The following ZC3H10 variants were observed in gnomAD, a reference collection of about 807,000 sequenced individuals.
ZC3H10 encodes zinc finger CCCH-type containing 10.
Under a neutral mutation model 24.3 loss-of-function variants are expected in ZC3H10, and 12 were observed. The observed-to-expected ratio is 0.49, with a 90% CI of 0.32 to 0.80. ZC3H10 has a LOEUF of 0.80. Among genes scored for constraint, ZC3H10 ranks in the 30% least tolerant of loss-of-function variants. ZC3H10 has a pLI of 0.04. For synonymous variants in ZC3H10, 226 were observed against 217.0 expected (o/e 1.04, Z -0.36); for missense variants, 360 against 576.3 (o/e 0.62, Z 3.84).
Position 56,121,947 on chromosome 12 carries a change from C to T in ZC3H10, c.*80C>T. On this transcript the variant is annotated 3_prime_UTR_variant, in exon 3 of 3. Transcript: ENST00000257940. This position sits in a 1 kb window ranked among gnomAD's most constrained non-coding sequence, Gnocchi z 6.2. Reference sequence around the variant, plus strand: ...CCTTGCCCACTCACCTAGCCTTCCCCATCCCTGTCTGAAGGGCTCCCTTGA... The same window carrying T: ...CCTTGCCCACTCACCTAGCCTTCCCTATCCCTGTCTGAAGGGCTCCCTTGA... 6.9e-7 allele frequency: 1 copy of T among 1,449,316 alleles called. No individual in the cohort carries two copies. The highest frequency in any genetic ancestry group is 9.2e-7 in the Non-Finnish European group (1 of 1,083,166). The allele number at this position is 1,449,316 out of a possible 1,614,324, so 89.8% of individuals were successfully genotyped here.
Position 56,121,828 on chromosome 12 carries a change from C to G in ZC3H10, c.1266C>G (p.Ile422Met). 1.2e-6 allele frequency: 2 copies of G among 1,613,670 alleles called. No individual in the cohort carries two copies. The highest frequency in any genetic ancestry group is 1.7e-6 in the Non-Finnish European group (2 of 1,179,702). Residue 422 changes from isoleucine to methionine, a missense_variant, in exon 3 of 3, where the codon ATC (isoleucine) becomes ATG (methionine). Around this residue, in one of 3 missense-constraint regions of ZC3H10, gnomAD observed 133 missense variants for 256.7 expected, o/e 0.52. Transcript: ENST00000257940. The surrounding 1 kb of genome is among the most constrained non-coding windows in gnomAD (Gnocchi z 6.2). ...CCACTCCCATGGTGACTTACCCTAT[C>G]GCTTCCCAGAGCATGCGCATCACGG... ...HTTTPMVTYP[I>M]ASQSMRITAM...
chr12:56,126,694 C>A lies in ZC3H10; in HGVS notation c.*4827C>A, dbSNP rs905989424. 1.2e-4 allele frequency: 18 copies of A among 152,294 alleles called. No homozygotes were observed. Among genetic ancestry groups the A allele is most frequent in the African/African-American group, 4.1e-4 (17 of 41,542 alleles). 9.4% of individuals were successfully genotyped at this position (152,294 alleles called of 1,614,324 possible). ...CTGCTTTATCAGTTGGTGAGCAGGTCACTCATAATTCCTCCAATTTCCTTG... is the reference window on the plus strand; with the variant it reads ...CTGCTTTATCAGTTGGTGAGCAGGTAACTCATAATTCCTCCAATTTCCTTG... On this transcript the variant is annotated 3_prime_UTR_variant, in exon 3 of 3. Coordinates refer to ENST00000257940, the MANE Select transcript of ZC3H10 (RefSeq NM_032786.3).
Position 56,121,894 on chromosome 12 carries a change from T to C in ZC3H10, c.*27T>C, listed in dbSNP as rs770647562. The C allele has an allele frequency of 1.5e-5, 24 of 1,570,162 alleles. No homozygotes were observed. The highest frequency in any genetic ancestry group is 1.7e-4 in the Middle Eastern group (1 of 5,870). ...GGGGCTAATGGACACTCCCCTGGTA[T>C]AGCCTCGCAGGGCTGGGGTCAGGGG... is the stretch of plus-strand genomic sequence containing the variant. On this transcript the variant is annotated 3_prime_UTR_variant, in exon 3 of 3. Transcript: ENST00000257940. The surrounding 1 kb of genome is among the most constrained non-coding windows in gnomAD (Gnocchi z 6.2).
chr12:56,118,705 A>C (rs532416349), intron 1 of ZC3H10: 2 of 152,238 alleles, frequency 1.3e-5, no homozygotes, highest in Non-Finnish European at 2.9e-5. Context: ...GGGAAGCGTC[A>C]CAATCACTGC....
Position 56,123,660 on chromosome 12 carries a change from C to G in ZC3H10, c.*1793C>G, listed in dbSNP as rs528835107. On this transcript the variant is annotated 3_prime_UTR_variant, in exon 3 of 3. Coordinates refer to ENST00000257940, the MANE Select transcript of ZC3H10 (RefSeq NM_032786.3). ...TGGTCTCTATCTCTCGTGATCCGCCCGCCTCAGCCTCCCAAAGTGCTGGGA... is the reference window on the plus strand; with the variant it reads ...TGGTCTCTATCTCTCGTGATCCGCCGGCCTCAGCCTCCCAAAGTGCTGGGA... 6.6e-6 allele frequency: 1 copy of G among 151,996 alleles called. No individual in the cohort carries two copies. Among genetic ancestry groups the G allele is most frequent in the Admixed American group, 6.6e-5 (1 of 15,246 alleles). 9.4% of individuals were successfully genotyped at this position (151,996 alleles called of 1,614,324 possible).
chr12:56,120,328 C>T, intron 2 of ZC3H10, 183 bp from the exon 3 acceptor site: 1 of 985,450 alleles, frequency 1.0e-6, no homozygotes, highest in Non-Finnish European at 1.2e-6. Context: ...TCATTCTGAC[C>T]CAGACCAGGT....
At position 56,120,560 on chromosome 12, in the gene ZC3H10, A is replaced by G; in HGVS notation, c.-3A>G. ...AGAAAACCCTGAGTTGGGCGGGACC[A>G]GGATGCCTGACCGGGACAGCTATGC... On this transcript the variant is annotated 5_prime_UTR_variant, in exon 3 of 3. Coordinates refer to ENST00000257940, the MANE Select transcript of ZC3H10 (RefSeq NM_032786.3). The G allele has an allele frequency of 6.5e-7, 1 of 1,535,468 alleles. No homozygotes were observed. The highest frequency in any genetic ancestry group is 8.7e-7 in the Non-Finnish European group (1 of 1,145,152).
rs1227714077 is a variant in ZC3H10 at position 56,126,254 on chromosome 12, ACTCT to A, written c.*4393_*4396del. The A allele has an allele frequency of 6.6e-6, 1 of 151,896 alleles. No individual in the cohort carries two copies. The highest frequency in any genetic ancestry group is 2.4e-5 in the African/African-American group (1 of 41,320). The allele number at this position is 151,896 out of a possible 1,614,324, so 9.4% of individuals were successfully genotyped here. On this transcript the variant is annotated 3_prime_UTR_variant, in exon 3 of 3. Transcript: ENST00000257940. ...TGCAGATTGCAAGTCCAGGAAGTTT[ACTCT>A]CTCTCCTCCTGTAGGCCTCATCCTG...
chr12:56,122,844 G>C lies in ZC3H10; in HGVS notation c.*977G>C, dbSNP rs558515226. On this transcript the variant is annotated 3_prime_UTR_variant, in exon 3 of 3. Transcript: ENST00000257940. ...AGTGTATTTGCTGAAATGCGGATGGGATGTTACATAGTTGACAGATCCTTA... is the reference window on the plus strand; with the variant it reads ...AGTGTATTTGCTGAAATGCGGATGGCATGTTACATAGTTGACAGATCCTTA... The C allele has an allele frequency of 6.6e-6, 1 of 152,408 alleles. No homozygotes were observed. The highest frequency in any genetic ancestry group is 2.1e-4 in the South Asian group (1 of 4,830). 9.4% of individuals were successfully genotyped at this position (152,408 alleles called of 1,614,324 possible). A position where few individuals can be genotyped will look rare whatever the true frequency, so the allele number is the denominator to read the frequency against.
Position 56,121,792 on chromosome 12 carries a change from G to A in ZC3H10, c.1230G>A (p.Met410Ile). Residue 410 changes from methionine to isoleucine, a missense_variant, in exon 3 of 3, where the codon ATG (methionine) becomes ATA (isoleucine). Physicochemically the swap from Met to Ile is conservative, Grantham distance 10. Coordinates refer to ENST00000257940, the MANE Select transcript of ZC3H10 (RefSeq NM_032786.3). The surrounding 1 kb of genome is among the most constrained non-coding windows in gnomAD (Gnocchi z 6.2). The part of the protein sequence containing the change: ...SMAQPLAGIT[M>I]SHTTTPMVTY... Reference sequence around the variant, plus strand: ...CCCAACCCTTGGCAGGAATCACAATGAGCCACACCACCACTCCCATGGTGA... The same window carrying A: ...CCCAACCCTTGGCAGGAATCACAATAAGCCACACCACCACTCCCATGGTGA... 1 of 1,614,162 alleles carries A rather than the reference G, an allele frequency of 6.2e-7. No individual in the cohort carries two copies. Among genetic ancestry groups the A allele is most frequent in the Middle Eastern group, 1.6e-4 (1 of 6,062 alleles).
Position 56,126,603 on chromosome 12 carries a change from T to C in ZC3H10, c.*4736T>C, listed in dbSNP as rs1870001592. ...TCAGGAACCTCCTTGCCTACTCCAG[T>C]GCTTGGCAAATTTCAGTTTATAGAG... On this transcript the variant is annotated 3_prime_UTR_variant, in exon 3 of 3. Transcript: ENST00000257940. The C allele has an allele frequency of 6.6e-6, 1 of 152,172 alleles. No individual in the cohort carries two copies. Among genetic ancestry groups the C allele is most frequent in the South Asian group, 2.1e-4 (1 of 4,832 alleles). 9.4% of individuals were successfully genotyped at this position (152,172 alleles called of 1,614,324 possible). A position where few individuals can be genotyped will look rare whatever the true frequency, so the allele number is the denominator to read the frequency against.
rs1393677254 is a variant in ZC3H10 at position 56,121,290 on chromosome 12, A to G, written c.728A>G (p.Glu243Gly). The G allele has an allele frequency of 6.2e-7, 1 of 1,613,390 alleles. No individual in the cohort carries two copies. The highest frequency in any genetic ancestry group is 2.2e-5 in the East Asian group (1 of 44,878). The change falls in exon 3 of 3, where the codon GAG (glutamate) becomes GGG (glycine). Residue 243 changes from glutamate to glycine, a missense_variant. Glu to Gly is a moderately conservative substitution (Grantham distance 98). Transcript: ENST00000257940. The surrounding 1 kb of genome is among the most constrained non-coding windows in gnomAD (Gnocchi z 6.2). ...RGVECRLLEE[E>G]NAMLRKRVEE... ...GTGGAGTGCAGACTGCTAGAGGAGG[A>G]GAATGCCATGCTCAGGAAGCGGGTA...
Position 56,120,954 on chromosome 12 carries a change from C to G in ZC3H10, c.392C>G (p.Pro131Arg). Residue 131 changes from proline to arginine, a missense_variant, in exon 3 of 3, where the codon CCA (proline) becomes CGA (arginine). Pro to Arg is a moderately radical substitution (Grantham distance 103). Coordinates refer to ENST00000257940, the MANE Select transcript of ZC3H10 (RefSeq NM_032786.3). ...CTTGGCCTTTCACCGGCTGACCTAC[C>G]AAATGGCAAGGAGGAGGTCCCTATC... ...AGLGLSPADL[P>R]NGKEEVPICR... is the part of the protein sequence containing the mutation. 6.2e-7 allele frequency: 1 copy of G among 1,614,098 alleles called. No homozygotes were observed.
chr12:56,127,448 T>C lies in ZC3H10; in HGVS notation c.*5581T>C, dbSNP rs1403760976. The C allele has an allele frequency of 5.9e-5, 9 of 152,220 alleles. No individual in the cohort carries two copies. Among genetic ancestry groups the C allele is most frequent in the African/African-American group, 2.2e-4 (9 of 41,448 alleles). 9.4% of individuals were successfully genotyped at this position (152,220 alleles called of 1,614,324 possible). Reference sequence around the variant, plus strand: ...GCCAACTAGTCTTACATCCATCCTCTAAGATAGAGATGACTTACTAACTCT... The same window carrying C: ...GCCAACTAGTCTTACATCCATCCTCCAAGATAGAGATGACTTACTAACTCT... On this transcript the variant is annotated 3_prime_UTR_variant, in exon 3 of 3. Coordinates refer to ENST00000257940, the MANE Select transcript of ZC3H10 (RefSeq NM_032786.3).
Position 56,120,942 on chromosome 12 carries a change from C to T in ZC3H10, c.380C>T (p.Pro127Leu), listed in dbSNP as rs201409280. ...GTAGCAGCTGGCCTTGGCCTTTCAC[C>T]GGCTGACCTACCAAATGGCAAGGAG... ...QKVAAGLGLS[P>L]ADLPNGKEEV... Residue 127 changes from proline to leucine, a missense_variant, in exon 3 of 3, where the codon CCG becomes CTG. Pro to Leu is a moderately conservative substitution (Grantham distance 98). Transcript: ENST00000257940. 7.2e-5 allele frequency: 117 copies of T among 1,614,160 alleles called. No individual in the cohort carries two copies. Among genetic ancestry groups the T allele is most frequent in the Non-Finnish European group, 9.2e-5 (108 of 1,180,032 alleles).
In ZC3H10 at chr12:56,127,254, T is replaced by C. The variant is rs755162313; in HGVS notation, c.*5387T>C. 2.0e-5 allele frequency: 3 copies of C among 152,240 alleles called. No homozygotes were observed. Among genetic ancestry groups the C allele is most frequent in the Non-Finnish European group, 4.4e-5 (3 of 68,038 alleles). The allele number at this position is 152,240 out of a possible 1,614,324, so 9.4% of individuals were successfully genotyped here. A position where few individuals can be genotyped will look rare whatever the true frequency, so the allele number is the denominator to read the frequency against. ...TACACCGTACACTGTGGGACTGCAC[T>C]AGTTCTGCACCTGACTGTATGGCAA... On this transcript the variant is annotated 3_prime_UTR_variant, in exon 3 of 3. Transcript: ENST00000257940.
At position 56,124,975 on chromosome 12, in the gene ZC3H10, A is replaced by G. The variant is rs1252453258; in HGVS notation, c.*3108A>G. 2 of 152,238 alleles carry G rather than the reference A, an allele frequency of 1.3e-5. No individual in the cohort carries two copies. Among genetic ancestry groups the G allele is most frequent in the African/African-American group, 2.4e-5 (1 of 41,448 alleles). The allele number at this position is 152,238 out of a possible 1,614,324, so 9.4% of individuals were successfully genotyped here. ...TTCTAGGCATCTTTCTAGGAGCTCC[A>G]TAAGGGTAGTAGAACCTTGGTAATA... On this transcript the variant is annotated 3_prime_UTR_variant, in exon 3 of 3. Transcript: ENST00000257940.
rs1241508454 is a variant in ZC3H10 at position 56,121,158 on chromosome 12, G to T, written c.596G>T (p.Gly199Val). ...LYDIYDLPDR[G>V]FEDHEPGPKR... is the part of the protein sequence containing the mutation. The stretch of plus-strand genomic sequence containing the variant: ...GATATCTATGACCTTCCTGACAGGG[G>T]CTTTGAGGACCATGAGCCAGGCCCA... Residue 199 changes from glycine (G) to valine (V), a missense_variant, in exon 3 of 3, where the codon GGC becomes GTC. By Grantham distance (109) the Gly-to-Val change is moderately radical. Coordinates refer to ENST00000257940, the MANE Select transcript of ZC3H10 (RefSeq NM_032786.3). The surrounding 1 kb of genome is among the most constrained non-coding windows in gnomAD (Gnocchi z 6.2). 1 of 1,614,198 alleles carries T rather than the reference G, an allele frequency of 6.2e-7. No homozygotes were observed. Among genetic ancestry groups the T allele is most frequent in the East Asian group, 2.2e-5 (1 of 44,886 alleles).
In ZC3H10 at chr12:56,123,086, A is replaced by G. The variant is rs1869893715; in HGVS notation, c.*1219A>G. 1 of 152,190 alleles carries G rather than the reference A, an allele frequency of 6.6e-6. No homozygotes were observed. The highest frequency in any genetic ancestry group is 1.5e-5 in the Non-Finnish European group (1 of 68,046). The allele number at this position is 152,190 out of a possible 1,614,324, so 9.4% of individuals were successfully genotyped here. On this transcript the variant is annotated 3_prime_UTR_variant, in exon 3 of 3. Coordinates refer to ENST00000257940, the MANE Select transcript of ZC3H10 (RefSeq NM_032786.3). ...GTCTCCACATAGGACCAGAAGTTTT[A>G]AATCTACTTAAGTCAGTAAGGCCAG... is the stretch of plus-strand genomic sequence containing the variant.
Sources: allele counts gnomAD v4.1 joint callset, GRCh38; gene constraint gnomAD v4.1.1; regional missense constraint gnomAD v4.1.1; non-coding constraint Gnocchi (gnomAD v3.1); transcripts MANE v1.5; gene names NCBI Gene and HGNC (gene_info 2026-07-23, HGNC 2026-07-21).